Variants in NRP1 observed in about 807,000 individuals in gnomAD.
The protein encoded by NRP1 is neuropilin-1.
NRP1 carries 35 observed loss-of-function variants against 106.7 expected under a neutral mutation model. The ratio of observed to expected loss-of-function variants is 0.33; its 90% CI spans 0.25 to 0.43. The LOEUF is 0.43. NRP1 is among the 20% of genes least tolerant of loss of function. NRP1 has a pLI of 1.00. For missense variants in NRP1, 1,024 were observed against 1,170.4 expected, an observed-to-expected ratio of 0.87 and a Z score of 1.83; for synonymous variants, 437 against 417.9, an observed-to-expected ratio of 1.05 and a Z score of -0.56.
chr10:33,237,823 A>ATT (rs1840702443), intron 6 of NRP1, among the ~76,000 whole-genome samples: 1 of 151,922 alleles, frequency 6.6e-6, no homozygotes, highest in Non-Finnish European at 1.5e-5. Context: ...CCCCGCTGGG[A>ATT]TTACAAGTGT....
Position 33,319,196 on chromosome 10 carries a change from G to A in NRP1, c.248+11512C>T, listed in dbSNP as rs1187576392. The stretch of plus-strand genomic sequence containing the variant: ...ATTTTTTTGTATTTTTAGTAGAGAC[G>A]GGGGTTTCACTGTGTTAGTCAGGAT... On this transcript the variant is annotated intron_variant, in intron 2 of 16. Transcript: ENST00000374867. Among the ~76,000 whole-genome samples, 5 of 151,514 alleles carry A rather than the reference G, an allele frequency of 3.3e-5. 1 individual carries two copies. Among genetic ancestry groups the A allele is most frequent in the South Asian group, 4.2e-4 (2 of 4,790 alleles).
chr10:33,316,405 C>T (rs1052509918), intron 2 of NRP1, among the ~76,000 whole-genome samples: 4 of 152,164 alleles, frequency 2.6e-5, no homozygotes, highest in African/African-American at 9.7e-5. Flanking sequence ...GCATAGGAAG[C>T]TGCAAAGTTT....
intron 7 of NRP1, among the ~76,000 whole-genome samples, chr10:33,223,624 T>C (rs1223610331): frequency 6.6e-6 from 1 of 152,168 alleles, no homozygotes; most frequent in African/African-American, 2.4e-5. Context: ...CAAGACTTGG[T>C]CTCTATTTTT....
At chr10:33,297,686 CAAAAAAAA>C (rs10711145) in intron 2 of NRP1, among the ~76,000 whole-genome samples, 1 of 95,986 alleles carries the variant, frequency 1.0e-5, no homozygotes, top group African/African-American at 4.3e-5. Context: ...GACTTTGTCT[CAAAAAAAA>C]AAAAAAAAAA....
chr10:33,327,564 C>CA (rs1212017514), intron 2 of NRP1, among the ~76,000 whole-genome samples: 4 of 151,964 alleles, frequency 2.6e-5, no homozygotes, highest in South Asian at 2.1e-4. Flanking sequence ...ATATAAAGTA[C>CA]AAAAAAACCC....
chr10:33,237,699 C>CT, intron 6 of NRP1, among the ~76,000 whole-genome samples: 1 of 149,324 alleles, frequency 6.7e-6, no homozygotes, highest in South Asian at 2.1e-4. Context: ...GTCGCTGGGA[C>CT]TACAGGGGTG....
Position 33,178,240 on chromosome 10 carries a change from G to A in NRP1, c.*1836C>T, listed in dbSNP as rs1407144883. On this transcript the variant is annotated 3_prime_UTR_variant, in exon 17 of 17. Transcript: ENST00000374867. ...TTGAGTGAGACGTCTAGCAATGTGG[G>A]AAGGAAGATCTAAAAAATCTCATGT... 2.6e-5 allele frequency: 4 copies of A among 152,226 alleles called. No individual in the cohort carries two copies. Among genetic ancestry groups the A allele is most frequent in the Admixed American group, 2.6e-4 (4 of 15,270 alleles). 9.4% of individuals were successfully genotyped at this position (152,226 alleles called of 1,614,324 possible).
intron 2 of NRP1, among the ~76,000 whole-genome samples, chr10:33,302,466 G>A (rs1845867738): frequency 6.6e-6 from 1 of 152,212 alleles, no homozygotes; most frequent in African/African-American, 2.4e-5. Context: ...ATCAAAAGAT[G>A]GCTATTGGAT....
chr10:33,291,339 G>A (rs1844980163), intron 2 of NRP1, among the ~76,000 whole-genome samples: 1 of 152,184 alleles, frequency 6.6e-6, no homozygotes, highest in Non-Finnish European at 1.5e-5. Flanking sequence ...ACACAGCCCG[G>A]AGTTCACATT....
chr10:33,197,977 A>G (rs1474780534), intron 11 of NRP1, among the ~76,000 whole-genome samples: 1 of 151,724 alleles, frequency 6.6e-6, no homozygotes, highest in Non-Finnish European at 1.5e-5. Flanking sequence ...GAAGTTGTAT[A>G]TATTTATGGC....
At chr10:33,273,688 T>C (rs1319347068) in intron 2 of NRP1, among the ~76,000 whole-genome samples, 2 of 152,142 alleles carry the variant, frequency 1.3e-5, no homozygotes, top group Non-Finnish European at 2.9e-5. Flanking sequence ...TCTCATTCAC[T>C]CCCTGTGTTC....
rs879852938 is a variant in NRP1 at position 33,334,399 on chromosome 10, C to T, written c.-17G>A. 2.6e-6 allele frequency: 4 copies of T among 1,542,940 alleles called. No homozygotes were observed. The South Asian group carries it at 4.8e-5, about 18-fold the overall frequency. ...CCTCTCCATTCTCCCTTCTCCGGGT[C>T]CGCAGGCAGACGCGGGAGAACGAGG... On this transcript the variant is annotated 5_prime_UTR_variant, in exon 1 of 17. Coordinates refer to ENST00000374867, the MANE Select transcript of NRP1 (RefSeq NM_003873.7).
intron 2 of NRP1, among the ~76,000 whole-genome samples, chr10:33,279,424 G>C (rs1843948777): frequency 6.6e-6 from 1 of 152,142 alleles, no homozygotes; most frequent in East Asian, 1.9e-4. Flanking sequence ...CTGCCAGCTG[G>C]GGGTGCTCCC....
At position 33,299,189 on chromosome 10, in the gene NRP1, G is replaced by A. The variant is rs555258497; in HGVS notation, c.249-28333C>T. Among the ~76,000 whole-genome samples the A allele has an allele frequency of 9.3e-4, 142 of 152,252 alleles. 3 individuals are homozygous for A. The South Asian group carries it at 0.029, about 31-fold the overall frequency. On this transcript the variant is annotated intron_variant, in intron 2 of 16. Transcript: ENST00000374867. ...TGAAAACGATGCTACGCCTTTTCTA[G>A]AAAATGAGCCAAACCTGCACCCCAC...
intron 6 of NRP1, among the ~76,000 whole-genome samples, chr10:33,240,782 T>A (rs1840949336): frequency 6.6e-6 from 1 of 152,094 alleles, no homozygotes; most frequent in South Asian, 2.1e-4. Context: ...AGCCTAAGGT[T>A]ATAACGAATG....
At chr10:33,242,068 C>T (rs943069982) in intron 6 of NRP1, among the ~76,000 whole-genome samples, 2 of 152,154 alleles carry the variant, frequency 1.3e-5, no homozygotes, top group African/African-American at 2.4e-5. Flanking sequence ...TACTGTATTA[C>T]AGAAGTTGAT....
chr10:33,256,549 T>C, intron 4 of NRP1, 78 bp from the exon 5 acceptor site: 1 of 1,503,328 alleles, frequency 6.7e-7, no homozygotes, highest in Non-Finnish European at 9.2e-7. Flanking sequence ...TTTACAAAGA[T>C]GGGCCCCAGT....
intron 3 of NRP1, among the ~76,000 whole-genome samples, chr10:33,265,606 G>A (rs1842866251): frequency 6.6e-6 from 1 of 152,182 alleles, no homozygotes; most frequent in Admixed American, 6.5e-5. Flanking sequence ...TCCTCCTCAT[G>A]CACATATCGG....
chr10:33,289,670 T>C (rs1844846241), intron 2 of NRP1, among the ~76,000 whole-genome samples: 1 of 152,220 alleles, frequency 6.6e-6, no homozygotes, highest in African/African-American at 2.4e-5. Context: ...CACATACGAA[T>C]GGTAAGTTTT....
Sources: gnomAD v4.1 joint callset for allele counts (sites outside exome capture counted in the v4.1 genomes callset) on GRCh38, gnomAD v4.1.1 for gene constraint, MANE v1.5 for transcripts, NCBI Gene and HGNC (gene_info 2026-07-23, HGNC 2026-07-21) for gene names.